AUTS2: variants seen among roughly 807,000 people sequenced by gnomAD.
The protein encoded by AUTS2 is activator of transcription and developmental regulator AUTS2.
In AUTS2, 17 loss-of-function variants were observed where a neutral mutation model predicts 112.4. The ratio of observed to expected loss-of-function variants is 0.15; its 90% CI spans 0.10 to 0.23. AUTS2 has a LOEUF of 0.23. Ranked by LOEUF, AUTS2 falls within the 10% of genes least tolerant of loss-of-function variation. The pLI is 1.00. For synonymous variants in AUTS2, 751 were observed against 702.7 expected (o/e 1.07, Z -1.09); for missense variants, 1,510 against 1,701.6 (o/e 0.89, Z 1.98).
chr7:69,780,185 T>C (rs73170887), intron 1 of AUTS2, among the ~76,000 whole-genome samples: 3 of 152,326 alleles, frequency 2.0e-5, no homozygotes, highest in Non-Finnish European at 4.4e-5. Context: ...GTATTTTCAA[T>C]TGATGTTTGG....
intron 1 of AUTS2, among the ~76,000 whole-genome samples, chr7:69,684,226 C>T (rs1162849778): frequency 1.3e-5 from 2 of 152,122 alleles, no homozygotes; most frequent in Admixed American, 6.5e-5. Context: ...GACTAGGAGG[C>T]TGTTTTGATA....
chr7:69,741,395 A>G (rs2129247045), intron 1 of AUTS2, among the ~76,000 whole-genome samples: 1 of 152,290 alleles, frequency 6.6e-6, no homozygotes, highest in East Asian at 1.9e-4. Context: ...ATAAAGTCAC[A>G]TATACTTTTA....
chr7:70,277,286 A>T (rs1027902238), intron 4 of AUTS2, among the ~76,000 whole-genome samples: 8 of 152,208 alleles, frequency 5.3e-5, no homozygotes, highest in Admixed American at 3.3e-4. Context: ...TCCCTTAGTG[A>T]GAAGAAGGTG....
At chr7:70,603,612 T>C (rs1017684640) in intron 5 of AUTS2, among the ~76,000 whole-genome samples, 1 of 152,142 alleles carries the variant, frequency 6.6e-6, no homozygotes, top group Non-Finnish European at 1.5e-5. Flanking sequence ...TTGTAAGAAA[T>C]TATTCATCAA....
chr7:70,397,166 C>T (rs1415556556), intron 4 of AUTS2, among the ~76,000 whole-genome samples: 5 of 151,828 alleles, frequency 3.3e-5, no homozygotes, highest in East Asian at 3.9e-4. Flanking sequence ...CAGGTTCAAG[C>T]GATTCTTCTG....
At chr7:70,073,992 A>G (rs1802908879) in intron 2 of AUTS2, among the ~76,000 whole-genome samples, 2 of 152,310 alleles carry the variant, frequency 1.3e-5, no homozygotes, top group South Asian at 2.1e-4. Context: ...ATTTACACCT[A>G]ATTAGATTTT....
At chr7:70,364,614 TAAAAATTAAAA>T (rs1227580034) in intron 4 of AUTS2, among the ~76,000 whole-genome samples, 1 of 142,528 alleles carries the variant, frequency 7.0e-6, no homozygotes, top group Admixed American at 6.9e-5. Context: ...AATAAATAAA[TAAAAATTAAAA>T]AGGGCTCAAA....
chr7:69,973,267 A>G (rs921876185), intron 2 of AUTS2, among the ~76,000 whole-genome samples: 1 of 152,178 alleles, frequency 6.6e-6, no homozygotes, highest in South Asian at 2.1e-4. Context: ...TTATTTTCAA[A>G]TGTTGTTTTT....
At chr7:70,605,513 CTTT>C (rs11412825) in intron 5 of AUTS2, among the ~76,000 whole-genome samples, 1 of 96,224 alleles carries the variant, frequency 1.0e-5, no homozygotes, top group African/African-American at 3.7e-5. Context: ...TTTTGTCTTT[CTTT>C]TTTTTTTCTT....
intron 5 of AUTS2, among the ~76,000 whole-genome samples, chr7:70,655,167 G>A (rs1271263851): frequency 3.3e-5 from 5 of 152,226 alleles, no homozygotes. Context: ...GTGCCTGGAA[G>A]CAGCGGCCCC....
intron 5 of AUTS2, among the ~76,000 whole-genome samples, chr7:70,477,769 G>A (rs1302134156): frequency 6.6e-6 from 1 of 152,174 alleles, no homozygotes; most frequent in African/African-American, 2.4e-5. Context: ...GTGATTAAAA[G>A]GCCTCCAAGC....
intron 1 of AUTS2, among the ~76,000 whole-genome samples, chr7:69,709,444 T>G (rs1307266004): frequency 1.3e-5 from 2 of 152,142 alleles, no homozygotes; most frequent in African/African-American, 4.8e-5. Context: ...AGCCGGAAAT[T>G]TTCACTTCAT....
chr7:69,606,642 T>A (rs1051549138), intron 1 of AUTS2, among the ~76,000 whole-genome samples: 3 of 152,204 alleles, frequency 2.0e-5, no homozygotes, highest in Non-Finnish European at 4.4e-5. Context: ...AGATGTAGGA[T>A]AAAGAACCTA....
chr7:69,901,215 G>A (rs1003535288), intron 2 of AUTS2, among the ~76,000 whole-genome samples: 2 of 152,170 alleles, frequency 1.3e-5, no homozygotes, highest in African/African-American at 2.4e-5. Flanking sequence ...TCATGCCTCT[G>A]TGTGAGATAT....
intron 3 of AUTS2, among the ~76,000 whole-genome samples, chr7:70,125,245 ATGTGTGTGTG>A (rs59747508): frequency 0.16 from 23,295 of 144,772 alleles, 1,789 homozygotes; most frequent in South Asian, 0.19. Flanking sequence ...TTATTTGGAG[ATGTGTGTGTG>A]TGTGTGTGTG....
At chr7:69,627,211 G>T (rs1366013617) in intron 1 of AUTS2, among the ~76,000 whole-genome samples, 1 of 152,182 alleles carries the variant, frequency 6.6e-6, no homozygotes, top group Non-Finnish European at 1.5e-5. Flanking sequence ...CACTTTAGGC[G>T]GCCAGGCACA....
intron 1 of AUTS2, among the ~76,000 whole-genome samples, chr7:69,704,438 C>T (rs537931715): frequency 6.6e-5 from 10 of 152,172 alleles, no homozygotes; most frequent in East Asian, 3.9e-4. Context: ...CCACCACGCC[C>T]GGCTAATTTT....
intron 1 of AUTS2, among the ~76,000 whole-genome samples, chr7:69,676,469 G>A (rs1796569123): frequency 2.0e-5 from 3 of 152,216 alleles, no homozygotes; most frequent in African/African-American, 7.2e-5. Flanking sequence ...TATAAACTGA[G>A]TCCTGAGCCA....
At chr7:70,561,657 G>A (rs1250379966) in intron 5 of AUTS2, among the ~76,000 whole-genome samples, 1 of 152,100 alleles carries the variant, frequency 6.6e-6, no homozygotes, top group Non-Finnish European at 1.5e-5. Context: ...CTCCTAGGAA[G>A]CTTTACGTTA....
Sources: allele counts gnomAD v4.1 joint callset (sites outside exome capture counted in the v4.1 genomes callset), GRCh38; gene constraint gnomAD v4.1.1; transcripts MANE v1.5; gene names NCBI Gene and HGNC (gene_info 2026-07-23, HGNC 2026-07-21).